Variants in AKAP13 observed in about 807,000 individuals in gnomAD.
The protein encoded by AKAP13 is A-kinase anchor protein 13.
A neutral mutation model predicts 264.5 loss-of-function variants in AKAP13; 80 were observed. That is an observed-to-expected ratio of 0.30 (90% CI 0.25 to 0.36). The LOEUF (loss-of-function observed/expected upper bound fraction) is 0.36, where lower values mean the gene tolerates loss of function less well. Ranked by LOEUF, AKAP13 falls within the 10% of genes least tolerant of loss-of-function variation. The pLI is 1.00. For synonymous variants in AKAP13, 1,380 were observed against 1,250.2 expected, an observed-to-expected ratio of 1.10 and a Z score of -2.19; for missense variants, 3,712 against 3,435.2, an observed-to-expected ratio of 1.08 and a Z score of -2.01.
intron 3 of AKAP13, among the ~76,000 whole-genome samples, chr15:85,525,505 C>T (rs761163030): frequency 2.4e-4 from 37 of 152,146 alleles, no homozygotes; most frequent in Non-Finnish European, 5.1e-4. Context: ...CTAACCAAAG[C>T]GTTATAATAA....
intron 6 of AKAP13, 134 bp from the exon 7 acceptor site, chr15:85,578,796 A>G (rs937605590): frequency 1.3e-6 from 1 of 764,590 alleles, no homozygotes; most frequent in Non-Finnish European, 2.1e-6. Context: ...GTATTCTTTT[A>G]GATTCGCTTA....
At chr15:85,519,545 C>G (rs1325359695) in intron 2 of AKAP13, among the ~76,000 whole-genome samples, 1 of 152,192 alleles carries the variant, frequency 6.6e-6, no homozygotes, top group Non-Finnish European at 1.5e-5. Flanking sequence ...TAACTGGTTG[C>G]ATCATGCCAA....
chr15:85,470,220 C>T (rs965677201), intron 1 of AKAP13, among the ~76,000 whole-genome samples: 3 of 152,088 alleles, frequency 2.0e-5, no homozygotes, highest in South Asian at 2.1e-4. Context: ...ACCCAGAAGG[C>T]GGAGGTTGTA....
At chr15:85,594,389 C>A (rs1393119490) in intron 8 of AKAP13, among the ~76,000 whole-genome samples, 1 of 152,180 alleles carries the variant, frequency 6.6e-6, no homozygotes, top group Non-Finnish European at 1.5e-5. Flanking sequence ...TGTTAAAATA[C>A]AGGTAAACAT....
At position 85,658,549 on chromosome 15, in the gene AKAP13, T is replaced by A. The variant is rs1316574904; in HGVS notation, c.4758T>A (p.Val1586=). The change falls in exon 12 of 37, where the codon GTT becomes GTA. Residue 1586 remains valine, a synonymous_variant. Coordinates refer to ENST00000394518, the MANE Select transcript of AKAP13 (RefSeq NM_007200.5). ...AEMNHRSSMR[V]LGDVVRRPPI... is the part of the protein sequence containing the mutation. ...CATTCATTTTCAGTTCAATGCGAGTTCTTGGGGATGTTGTCAGGAGACCTC... is the reference window on the plus strand; with the variant it reads ...CATTCATTTTCAGTTCAATGCGAGTACTTGGGGATGTTGTCAGGAGACCTC... 3 of 1,613,932 alleles carry A rather than the reference T, an allele frequency of 1.9e-6. No homozygotes were observed. In the East Asian group the frequency reaches 6.7e-5, roughly 36 times the overall value.
At chr15:85,437,288 A>T (rs1294312528) in intron 1 of AKAP13, among the ~76,000 whole-genome samples, 10 of 151,508 alleles carry the variant, frequency 6.6e-5, no homozygotes, top group Admixed American at 2.0e-4. Context: ...TGAATCTCTG[A>T]ATAGACCAAT....
intron 10 of AKAP13, among the ~76,000 whole-genome samples, chr15:85,647,722 G>C (rs1485942653): frequency 2.6e-5 from 4 of 152,138 alleles, no homozygotes; most frequent in Non-Finnish European, 5.9e-5. Flanking sequence ...GAGGCGGGCT[G>C]ATCATGAGGT....
At chr15:85,444,220 A>T (rs2073819801) in intron 1 of AKAP13, among the ~76,000 whole-genome samples, 1 of 152,188 alleles carries the variant, frequency 6.6e-6, no homozygotes. Flanking sequence ...AATTATATTT[A>T]TTCCTGACAG....
Position 85,740,050 on chromosome 15 carries a change from C to T in AKAP13, c.7558-172C>T, listed in dbSNP as rs769987428. Among the ~76,000 whole-genome samples, 58 of 152,262 alleles carry T rather than the reference C, an allele frequency of 3.8e-4. 1 individual carries two copies. The highest frequency in any genetic ancestry group is 3.4e-3 in the Middle Eastern group (1 of 294). On this transcript the variant is annotated intron_variant, in intron 33 of 36. Coordinates refer to ENST00000394518, the MANE Select transcript of AKAP13 (RefSeq NM_007200.5). ...TGTGGTCTTCGTTTGTTTTTCTTGG[C>T]TGCTGGTGCTCACTTAGTTTCTTTG...
At chr15:85,725,167 G>A (rs748313766) in intron 26 of AKAP13, among the ~76,000 whole-genome samples, 5 of 152,154 alleles carry the variant, frequency 3.3e-5, no homozygotes, top group Non-Finnish European at 5.9e-5. Context: ...TCAAGCCAGC[G>A]GCAGAACGAT....
intron 8 of AKAP13, among the ~76,000 whole-genome samples, chr15:85,594,045 A>G (rs890305935): frequency 3.3e-5 from 5 of 152,232 alleles, no homozygotes; most frequent in Admixed American, 2.0e-4. Flanking sequence ...TGCAATAGAT[A>G]TAATTCTAAT....
Position 85,717,416 on chromosome 15 carries a change from AT to A in AKAP13, c.5848+15del, listed in dbSNP as rs774586832. The stretch of plus-strand genomic sequence containing the variant: ...TTACTGATGAGGGTAAGAGGAAGTT[AT>A]GGCCTTTATTTTATGCCTCTGTAGG... On this transcript the variant is annotated intron_variant, in intron 21 of 36. Transcript: ENST00000394518. The A allele has an allele frequency of 1.3e-5, 21 of 1,578,110 alleles. No individual in the cohort carries two copies. The highest frequency in any genetic ancestry group is 1.7e-5 in the Non-Finnish European group (19 of 1,149,102).
chr15:85,441,820 G>C (rs1483580), intron 1 of AKAP13, among the ~76,000 whole-genome samples: 38,009 of 151,768 alleles, frequency 0.25, 6,346 homozygotes, highest in Non-Finnish European at 0.37. Context: ...TACATATGCT[G>C]TGAACACACG....
intron 1 of AKAP13, among the ~76,000 whole-genome samples, chr15:85,450,020 G>T (rs2074027681): frequency 6.6e-6 from 1 of 152,026 alleles, no homozygotes. Flanking sequence ...ACATCTAGTA[G>T]AATTAGGCTG....
chr15:85,566,197 G>C (rs2151277981), intron 5 of AKAP13, among the ~76,000 whole-genome samples: 1 of 152,286 alleles, frequency 6.6e-6, no homozygotes, highest in East Asian at 1.9e-4. Context: ...GGTACATTTT[G>C]ATCAATGCTG....
In AKAP13 at chr15:85,580,118, G is replaced by T; in HGVS notation, c.2050G>T (p.Asp684Tyr). The change falls in exon 7 of 37, where the codon GAT becomes TAT. Residue 684 changes from aspartate to tyrosine, a missense_variant. Physicochemically the swap from Asp to Tyr is radical, Grantham distance 160. Around this residue, in one of 3 missense-constraint regions of AKAP13, gnomAD observed 2,759 missense variants for 2,411.7 expected, o/e 1.14. Coordinates refer to ENST00000394518, the MANE Select transcript of AKAP13 (RefSeq NM_007200.5). Reference protein sequence around the residue: ...SSGDLVAKLCDNIVSESESTT... With the variant: ...SSGDLVAKLCYNIVSESESTT... The stretch of plus-strand genomic sequence containing the variant: ...TGGCGATTTGGTTGCAAAACTGTGT[G>T]ATAACATAGTTAGCGAGTCCGAAAG... 6.2e-7 allele frequency: 1 copy of T among 1,614,176 alleles called. No individual in the cohort carries two copies. The highest frequency in any genetic ancestry group is 8.5e-7 in the Non-Finnish European group (1 of 1,180,032).
intron 3 of AKAP13, among the ~76,000 whole-genome samples, chr15:85,527,187 T>A (rs1210444989): frequency 6.6e-6 from 1 of 152,076 alleles, no homozygotes; most frequent in Non-Finnish European, 1.5e-5. Flanking sequence ...ATGGTCTTGA[T>A]CTCCTGACCT....
chr15:85,451,773 T>A (rs72754510), intron 1 of AKAP13, among the ~76,000 whole-genome samples: 1,596 of 152,360 alleles, frequency 0.01, 14 homozygotes, highest in Middle Eastern at 0.017. Context: ...GGTGACCTGC[T>A]CTTTTTCCCT....
At chr15:85,487,242 C>T (rs754495313) in intron 2 of AKAP13, among the ~76,000 whole-genome samples, 15 of 152,108 alleles carry the variant, frequency 9.9e-5, no homozygotes, top group Admixed American at 1.3e-4. Context: ...AATCTGGATG[C>T]GTTTTATTTC....
Sources: gnomAD v4.1 joint callset for allele counts (sites outside exome capture counted in the v4.1 genomes callset) on GRCh38, gnomAD v4.1.1 for gene constraint, gnomAD v4.1.1 regional missense constraint, MANE v1.5 for transcripts, NCBI Gene and HGNC (gene_info 2026-07-23, HGNC 2026-07-21) for gene names.